SNED1: variants seen among roughly 807,000 people sequenced by gnomAD.
The protein encoded by SNED1 is sushi, nidogen and EGF-like domain-containing protein 1.
SNED1 carries 81 observed loss-of-function variants against 166.7 expected under a neutral mutation model. The observed-to-expected ratio is 0.49, with a 90% CI of 0.41 to 0.58. The LOEUF is 0.58. SNED1 is among the 20% of genes least tolerant of loss of function. The pLI is 0.00. For synonymous variants in SNED1, 762 were observed against 822.0 expected (o/e 0.93, Z 1.25); for missense variants, 1,604 against 2,000.2 (o/e 0.80, Z 3.78).
At chr2:241,065,617 C>A in intron 21 of SNED1, 22 bp downstream of exon 21, 1 of 1,604,312 alleles carries the variant, frequency 6.2e-7, no homozygotes, top group South Asian at 1.1e-5. Context: ...CGAGCCTGGC[C>A]GTCCCTGCCC....
intron 24 of SNED1, 57 bp downstream of exon 24, chr2:241,070,258 T>C: frequency 6.6e-7 from 1 of 1,514,816 alleles, no homozygotes; most frequent in Non-Finnish European, 8.8e-7. Context: ...CCCTCCACCC[T>C]GTTCAGGACT....
At chr2:241,083,047 G>C (rs994583449) in intron 29 of SNED1, among the ~76,000 whole-genome samples, 2 of 151,608 alleles carry the variant, frequency 1.3e-5, no homozygotes, top group African/African-American at 2.4e-5. Context: ...GTTCATTGCA[G>C]ATGAGGGGAC....
At chr2:241,040,832 A>T (rs1258476186) in intron 8 of SNED1, 2 of 472,774 alleles carry the variant, frequency 4.2e-6, no homozygotes, top group Non-Finnish European at 8.8e-6. Flanking sequence ...GGAATCAGAA[A>T]GAAAACTGAC....
chr2:241,069,454 G>T lies in SNED1; in HGVS notation c.3307+431G>T, dbSNP rs1450374897. 6.6e-6 allele frequency among the ~76,000 whole-genome samples: 1 copy of T among 152,152 alleles called. No individual in the cohort carries two copies. The highest frequency in any genetic ancestry group is 1.5e-5 in the Non-Finnish European group (1 of 68,020). On this transcript the variant is annotated intron_variant, in intron 23 of 31. Transcript: ENST00000310397. The surrounding 1 kb of genome is among the most constrained non-coding windows in gnomAD (Gnocchi z 4.9). ...GGGTGACAGCATGGACAGTCAGCGC[G>T]CAGGGGAGGGACAGGTGAACTGGGC...
At chr2:241,023,490 A>AC (rs2060829320) in intron 1 of SNED1, among the ~76,000 whole-genome samples, 1 of 152,170 alleles carries the variant, frequency 6.6e-6, no homozygotes, top group African/African-American at 2.4e-5. Flanking sequence ...GTGGTAAAAA[A>AC]AAAAATGTTC....
rs2062535532 is a variant in SNED1 at position 241,068,018 on chromosome 2, G to A, written c.3194+71G>A. The A allele has an allele frequency of 2.1e-6, 3 of 1,398,064 alleles. No homozygotes were observed. The highest frequency in any genetic ancestry group is 1.4e-5 in the African/African-American group (1 of 69,782). The allele number at this position is 1,398,064 out of a possible 1,614,324, so 86.6% of individuals were successfully genotyped here. A position where few individuals can be genotyped will look rare whatever the true frequency, so the allele number is the denominator to read the frequency against. On this transcript the variant is annotated intron_variant, in intron 22 of 31. Coordinates refer to ENST00000310397, the MANE Select transcript of SNED1 (RefSeq NM_001080437.3). This position sits in a 1 kb window ranked among gnomAD's most constrained non-coding sequence, Gnocchi z 5.3. ...TGGGGGCTCGGGGACACGGGGCCCA[G>A]GTCTCGGGCACATTCTCCGTGTGTG...
intron 1 of SNED1, among the ~76,000 whole-genome samples, chr2:241,004,827 A>G (rs962542321): frequency 2.0e-5 from 3 of 152,036 alleles, no homozygotes; most frequent in African/African-American, 7.3e-5. Context: ...GGTTCAAGCA[A>G]TTCTGTGCCT....
chr2:241,080,873 G>A (rs2125299305), intron 27 of SNED1, among the ~76,000 whole-genome samples: 1 of 152,376 alleles, frequency 6.6e-6, no homozygotes, highest in Non-Finnish European at 1.5e-5. Context: ...TGACCACGGG[G>A]TAGGTGAGGG....
intron 9 of SNED1, 49 bp from the exon 10 acceptor site, chr2:241,048,613 C>T: frequency 6.5e-7 from 1 of 1,539,276 alleles, no homozygotes. Flanking sequence ...GCGAGGGTGC[C>T]ATCTTTCTGC....
At chr2:241,006,935 G>A (rs192729953) in intron 1 of SNED1, among the ~76,000 whole-genome samples, 3 of 152,358 alleles carry the variant, frequency 2.0e-5, no homozygotes, top group Admixed American at 2.0e-4. Context: ...AAAGGACACA[G>A]AGGCCCTCCA....
chr2:241,063,414 C>G, intron 17 of SNED1, 173 bp from the exon 18 acceptor site: 1 of 625,888 alleles, frequency 1.6e-6, no homozygotes, highest in South Asian at 1.8e-5. Flanking sequence ...GGTGGCACGC[C>G]TCCCGAGGAG....
In SNED1 at chr2:241,064,728, C is replaced by A; in HGVS notation, c.2600-116C>A. 4.3e-6 allele frequency: 3 copies of A among 693,796 alleles called. 1 individual carries two copies. The South Asian group carries it at 5.8e-5, about 14-fold the overall frequency. The allele number at this position is 693,796 out of a possible 1,614,324, so 43.0% of individuals were successfully genotyped here. On this transcript the variant is annotated intron_variant, in intron 19 of 31. Transcript: ENST00000310397. The surrounding 1 kb of genome is among the most constrained non-coding windows in gnomAD (Gnocchi z 7.0). ...AAGGGAGGCAGTAGCTGTCCTGTGCCCCCCGCCCCTCCACACCCACGCAGG... is the reference window on the plus strand; with the variant it reads ...AAGGGAGGCAGTAGCTGTCCTGTGCACCCCGCCCCTCCACACCCACGCAGG...
At chr2:241,022,788 T>G (rs1203403771) in intron 1 of SNED1, among the ~76,000 whole-genome samples, 2 of 152,238 alleles carry the variant, frequency 1.3e-5, no homozygotes, top group Non-Finnish European at 2.9e-5. Context: ...TTAAGCCAGT[T>G]TTGGTAAGTT....
chr2:240,998,248 G>C (rs915074263), upstream of SNED1, among the ~76,000 whole-genome samples: 1 of 152,274 alleles, frequency 6.6e-6, no homozygotes, highest in Non-Finnish European at 1.5e-5. Context: ...GGCTGGGAAG[G>C]GGGCAGCACG....
At position 240,998,795 on chromosome 2, in the gene SNED1, G is replaced by A; in HGVS notation, c.-43G>A. On this transcript the variant is annotated 5_prime_UTR_variant, in exon 1 of 32. Transcript: ENST00000310397. ...CCCGCGCGCAGCCTAGTCCCCCAGCGCCCTGCTCCGCCAGCGCCCCGTCCC... is the reference window on the plus strand; with the variant it reads ...CCCGCGCGCAGCCTAGTCCCCCAGCACCCTGCTCCGCCAGCGCCCCGTCCC... The A allele has an allele frequency of 9.5e-7, 1 of 1,052,230 alleles. No homozygotes were observed. Among genetic ancestry groups the A allele is most frequent in the Non-Finnish European group, 1.2e-6 (1 of 854,720 alleles). The allele number at this position is 1,052,230 out of a possible 1,614,324, so 65.2% of individuals were successfully genotyped here.
intron 16 of SNED1, among the ~76,000 whole-genome samples, chr2:241,056,364 C>T (rs1279476488): frequency 6.6e-6 from 1 of 152,138 alleles, no homozygotes; most frequent in Middle Eastern, 3.2e-3. Flanking sequence ...GATCCTCCTG[C>T]CTCTGCCTCC....
At chr2:241,002,462 G>A (rs937235095) in intron 1 of SNED1, among the ~76,000 whole-genome samples, 2 of 152,158 alleles carry the variant, frequency 1.3e-5, no homozygotes, top group Non-Finnish European at 2.9e-5. Context: ...CCCCTGCTAT[G>A]GGCTTGGCCA....
At chr2:241,083,559 T>C (rs968423406) in intron 29 of SNED1, among the ~76,000 whole-genome samples, 1 of 152,164 alleles carries the variant, frequency 6.6e-6, no homozygotes, top group Non-Finnish European at 1.5e-5. Flanking sequence ...GAGATACTAA[T>C]CTGTGTTGGG....
chr2:241,003,113 T>G, intron 1 of SNED1, among the ~76,000 whole-genome samples: 1 of 32,938 alleles, frequency 3.0e-5, no homozygotes, highest in East Asian at 5.8e-4. Flanking sequence ...CCTGCCCCCC[T>G]CCGCCCTCCC....
Sources: allele counts gnomAD v4.1 joint callset (sites outside exome capture counted in the v4.1 genomes callset), GRCh38; gene constraint gnomAD v4.1.1; non-coding constraint Gnocchi (gnomAD v3.1); transcripts MANE v1.5; gene names NCBI Gene and HGNC (gene_info 2026-07-23, HGNC 2026-07-21).